Variants in LYPD6B observed in about 807,000 individuals in gnomAD.
LYPD6B encodes LY6/PLAUR domain containing 6B, also known as ly6/PLAUR domain-containing protein 6B.
In LYPD6B, 17 loss-of-function variants were observed where a neutral mutation model predicts 22.8. The ratio of observed to expected loss-of-function variants is 0.75; its 90% confidence interval spans 0.51 to 1.12. LYPD6B has a LOEUF of 1.12. Among genes scored for constraint, LYPD6B ranks in the 50% most tolerant of loss-of-function variants. LYPD6B has a pLI of 0.00. For missense variants in LYPD6B, 221 were observed against 258.3 expected (o/e 0.86, Z 0.99); for synonymous variants, 106 against 91.6 (o/e 1.16, Z -0.90).
intron 5 of LYPD6B, among the ~76,000 whole-genome samples, chr2:149,209,544 A>G: frequency 6.6e-6 from 1 of 152,204 alleles, no homozygotes. Flanking sequence ...AGAATTAGAG[A>G]TAACTAGTTT....
At chr2:149,079,728 G>C (rs1685039319) in intron 1 of LYPD6B, among the ~76,000 whole-genome samples, 1 of 152,094 alleles carries the variant, frequency 6.6e-6, no homozygotes, top group South Asian at 2.1e-4. Flanking sequence ...AGGTGTGCTG[G>C]TGTTGGCTTA....
chr2:149,136,814 G>A (rs575376154), intron 2 of LYPD6B, among the ~76,000 whole-genome samples: 6 of 152,308 alleles, frequency 3.9e-5, no homozygotes, highest in African/African-American at 1.4e-4. Flanking sequence ...TTTTTAGGCA[G>A]CTTATTCTAT....
intron 1 of LYPD6B, among the ~76,000 whole-genome samples, chr2:149,123,630 G>A (rs914154970): frequency 3.3e-5 from 5 of 152,120 alleles, no homozygotes; most frequent in African/African-American, 1.2e-4. Flanking sequence ...TTGGGAGGCC[G>A]AGGCAGGCAG....
intron 2 of LYPD6B, among the ~76,000 whole-genome samples, chr2:149,157,369 A>G (rs1689775966): frequency 6.6e-6 from 1 of 152,216 alleles, no homozygotes; most frequent in African/African-American, 2.4e-5. Flanking sequence ...ATAGTTTTCT[A>G]CAAGAGCTTT....
intron 3 of LYPD6B, among the ~76,000 whole-genome samples, chr2:149,175,965 A>G (rs948781102): frequency 6.6e-6 from 1 of 152,140 alleles, no homozygotes; most frequent in Non-Finnish European, 1.5e-5. Flanking sequence ...CACTTTTTAA[A>G]ACAAATAAAT....
Position 149,215,042 on chromosome 2 carries a change from ACTGCCTCAGAGG to A in LYPD6B, c.*338_*349del, listed in dbSNP as rs1694103593. On this transcript the variant is annotated 3_prime_UTR_variant, in exon 7 of 7. Coordinates refer to ENST00000409642, the MANE Select transcript of LYPD6B (RefSeq NM_177964.5). ...CTGAAAGGATTTCTTGACCTCCTTG[ACTGCCTCAGAGG>A]CTGCCAGGTCAAACCCTCTTGTTTA... The A allele has an allele frequency of 3.5e-6, 1 of 281,986 alleles. No homozygotes were observed. The highest frequency in any genetic ancestry group is 6.8e-6 in the Non-Finnish European group (1 of 147,448). The allele number at this position is 281,986 out of a possible 1,614,324, so 17.5% of individuals were successfully genotyped here. A position where few individuals can be genotyped will look rare whatever the true frequency, so the allele number is the denominator to read the frequency against.
intron 1 of LYPD6B, among the ~76,000 whole-genome samples, chr2:149,100,545 G>C (rs553270056): frequency 2.4e-4 from 37 of 151,358 alleles, no homozygotes; most frequent in South Asian, 6.3e-4. Flanking sequence ...GGATCCCCTT[G>C]CCCTGTCACC....
Position 149,173,422 on chromosome 2 carries a change from A to G in LYPD6B, c.77+12587A>G, listed in dbSNP as rs116326463. On this transcript the variant is annotated intron_variant, in intron 3 of 6. Transcript: ENST00000409642. ...TAGCTGCCATTCCTGGCTTTGTGCCATCAGTAAGTTTGATAAAATGTCTTC... is the reference window on the plus strand; with the variant it reads ...TAGCTGCCATTCCTGGCTTTGTGCCGTCAGTAAGTTTGATAAAATGTCTTC... Among the ~76,000 whole-genome samples the G allele has an allele frequency of 5.7e-3, 722 of 127,264 alleles. 8 individuals are homozygous for G. The highest frequency in any genetic ancestry group is 0.021 in the African/African-American group (702 of 33,082). 83.5% of individuals were successfully genotyped at this position (127,264 alleles called of 152,430 possible).
At chr2:149,065,520 A>G (rs939290991) in intron 1 of LYPD6B, among the ~76,000 whole-genome samples, 2 of 152,182 alleles carry the variant, frequency 1.3e-5, no homozygotes, top group Non-Finnish European at 2.9e-5. Flanking sequence ...ATCTAGAGTA[A>G]GCGTGGCATG....
chr2:149,174,815 A>G lies in LYPD6B; in HGVS notation c.77+13980A>G, dbSNP rs77028524. Among the ~76,000 whole-genome samples the G allele has an allele frequency of 4.2e-3, 638 of 152,020 alleles. 25 individuals carry two copies. The East Asian group carries it at 0.097, about 23-fold the overall frequency. On this transcript the variant is annotated intron_variant, in intron 3 of 6. Coordinates refer to ENST00000409642, the MANE Select transcript of LYPD6B (RefSeq NM_177964.5). ...GGGGGGTGGGAGGAGGGAGAGAATC[A>G]GGAAGAATATGGATACTGGGCTTAA...
At chr2:149,142,556 C>T (rs427722) in intron 2 of LYPD6B, among the ~76,000 whole-genome samples, 96,822 of 151,994 alleles carry the variant, frequency 0.64, 30,935 homozygotes, top group South Asian at 0.75. Context: ...CAGGAGATAC[C>T]GCATCCTTAA....
intron 2 of LYPD6B, among the ~76,000 whole-genome samples, chr2:149,145,795 G>A (rs534015749): frequency 3.3e-5 from 5 of 152,312 alleles, no homozygotes; most frequent in Non-Finnish European, 7.4e-5. Flanking sequence ...GTGACCCAGT[G>A]AAAGTGAGGG....
At chr2:149,098,286 C>T (rs540336282) in intron 1 of LYPD6B, among the ~76,000 whole-genome samples, 1 of 152,228 alleles carries the variant, frequency 6.6e-6, no homozygotes, top group East Asian at 1.9e-4. Flanking sequence ...TTGAAATCTG[C>T]TTTCTCCACG....
chr2:149,121,022 C>T (rs1192977497), intron 1 of LYPD6B, among the ~76,000 whole-genome samples: 7 of 151,950 alleles, frequency 4.6e-5, no homozygotes, highest in Non-Finnish European at 8.8e-5. Flanking sequence ...AAACTCCTAA[C>T]CTCAAGTGAT....
chr2:149,088,621 C>T (rs1490034081), intron 1 of LYPD6B, among the ~76,000 whole-genome samples: 2 of 152,124 alleles, frequency 1.3e-5, no homozygotes, highest in Non-Finnish European at 2.9e-5. Flanking sequence ...ATAATTTCTG[C>T]ACAGCTCTAC....
intron 1 of LYPD6B, among the ~76,000 whole-genome samples, chr2:149,051,561 C>G (rs1312299542): frequency 6.6e-6 from 1 of 152,152 alleles, no homozygotes; most frequent in Admixed American, 6.5e-5. Flanking sequence ...TTATAAACAG[C>G]TCTGTCATAT....
At chr2:149,098,643 A>AAAAAAAAAAAAGAAAG (rs57783804) in intron 1 of LYPD6B, among the ~76,000 whole-genome samples, 123 of 130,924 alleles carry the variant, frequency 9.4e-4, no homozygotes, top group African/African-American at 1.5e-3. Flanking sequence ...AAAAAAAAAA[A>AAAAAAAAAAAAGAAAG]AAAAAAGAAA....
At chr2:149,063,081 T>C (rs56760894) in intron 1 of LYPD6B, among the ~76,000 whole-genome samples, 1 of 152,142 alleles carries the variant, frequency 6.6e-6, no homozygotes, top group Middle Eastern at 3.4e-3. Flanking sequence ...TATATCTTAA[T>C]GGGAATGGCA....
At chr2:149,195,158 T>A (rs2106085443) in intron 3 of LYPD6B, among the ~76,000 whole-genome samples, 1 of 152,304 alleles carries the variant, frequency 6.6e-6, no homozygotes, top group Admixed American at 6.5e-5. Flanking sequence ...GCGTATGAGG[T>A]CTGTGTTCAC....
Sources: allele counts gnomAD v4.1 joint callset (sites outside exome capture counted in the v4.1 genomes callset), GRCh38; gene constraint gnomAD v4.1.1; transcripts MANE v1.5; gene names NCBI Gene and HGNC (gene_info 2026-07-23, HGNC 2026-07-21).